The following PGAP2 variants were observed in gnomAD, a reference collection of about 807,000 sequenced individuals.
The protein encoded by PGAP2 is acyltransferase PGAP2.
Under a neutral mutation model 33.2 loss-of-function variants are expected in PGAP2, and 21 were observed. That is an observed-to-expected ratio of 0.63 (90% CI 0.45 to 0.91). The LOEUF (loss-of-function observed/expected upper bound fraction) is 0.91. Among genes scored for constraint, PGAP2 ranks in the 40% least tolerant of loss-of-function variants. PGAP2 has a pLI of 0.00. For missense variants in PGAP2, 345 were observed against 424.0 expected (o/e 0.81, Z 1.64); for synonymous variants, 161 against 172.9 (o/e 0.93, Z 0.54).
chr11:3,825,244 C>T lies in PGAP2; in HGVS notation c.818-84C>T. On this transcript the variant is annotated intron_variant, in intron 6 of 6. Transcript: ENST00000278243. ...CTGCCATTGTGTTCTCTGTGGCAGA[C>T]CAATGGTGGTGTGATTTATCAAGAG... 12 of 1,556,380 alleles carry T rather than the reference C, an allele frequency of 7.7e-6. No homozygotes were observed. The South Asian group carries it at 1.4e-4, about 18-fold the overall frequency.
upstream of PGAP2, chr11:3,797,756 A>G (rs1019093202): frequency 3.4e-6 from 5 of 1,466,264 alleles, no homozygotes; most frequent in Non-Finnish European, 3.7e-6. Context: ...AGGAGCGGTG[A>G]GAGGGCCGTG....
intron 2 of PGAP2, among the ~76,000 whole-genome samples, chr11:3,814,536 C>T (rs2086318305): frequency 1.3e-5 from 2 of 151,986 alleles, no homozygotes; most frequent in South Asian, 2.1e-4. Flanking sequence ...GGATTAAAGG[C>T]GTGAGCCACC....
upstream of PGAP2, among the ~76,000 whole-genome samples, chr11:3,804,570 C>A (rs182445823): frequency 6.6e-6 from 1 of 152,302 alleles, no homozygotes; most frequent in Non-Finnish European, 1.5e-5. Context: ...TCACTGTGTC[C>A]CCTTTCTAGC....
At chr11:3,822,912 T>TGAAGCTTCAATAGGAGTTCCAGGCATTAA in intron 3 of PGAP2, 1 of 1,517,422 alleles carries the variant, frequency 6.6e-7, no homozygotes, top group Non-Finnish European at 8.9e-7. Flanking sequence ...CCTTAAGGAC[T>TGAAGCTTCAATAGGAGTTCCAGGCATTAA]GAAGCTTCAA....
chr11:3,801,660 A>AAAAG (rs56914915), intron 1 of PGAP2, among the ~76,000 whole-genome samples: 2 of 137,752 alleles, frequency 1.5e-5, no homozygotes, highest in Non-Finnish European at 1.6e-5. Context: ...AAAAAAAAAA[A>AAAAG]GTTTCCGGGC....
chr11:3,811,264 A>C lies in PGAP2; in HGVS notation c.5A>C (p.Tyr2Ser), dbSNP rs1163385753. The stretch of plus-strand genomic sequence containing the variant: ...TCCATCCCCAGGTCTGACAAGATGT[A>C]CCAGGTCCCACTACCACTGGATCGG... M[Y>S]QVPLPLDRDG... Residue 2 changes from tyrosine to serine, a missense_variant, in exon 2 of 7, where the codon TAC (tyrosine) becomes TCC (serine). Physicochemically the swap from Tyr to Ser is moderately radical, Grantham distance 144. Coordinates refer to ENST00000278243, the MANE Select transcript of PGAP2 (RefSeq NM_014489.4). The surrounding 1 kb of genome is among the most constrained non-coding windows in gnomAD (Gnocchi z 4.6). 3 of 1,612,996 alleles carry C rather than the reference A, an allele frequency of 1.9e-6. No homozygotes were observed. The South Asian group carries it at 3.3e-5, about 18-fold the overall frequency.
At chr11:3,823,816 G>A (rs914791559) in intron 3 of PGAP2, 67 bp from the exon 4 acceptor site, 36 of 1,597,340 alleles carry the variant, frequency 2.3e-5, no homozygotes, top group Non-Finnish European at 3.1e-5. Context: ...TTGTCAGATG[G>A]AGAGAAGGTT....
At chr11:3,803,989 T>C (rs1366193097), upstream of PGAP2, among the ~76,000 whole-genome samples, 4 of 150,418 alleles carry the variant, frequency 2.7e-5, no homozygotes, top group African/African-American at 9.8e-5. Context: ...GAAGATTTTA[T>C]CATGTTGGCC....
Position 3,799,896 on chromosome 11 carries a change from G to A in PGAP2, c.139+1914G>A, listed in dbSNP as rs149745364. ...GTAGGAGGATCGTTTGAGCCCAAGA[G>A]GTTAAAGCTACAGTGAGCTGTGATT... On this transcript the variant is annotated intron_variant, in intron 1 of 6. Transcript: ENST00000300730. Among the ~76,000 whole-genome samples the A allele has an allele frequency of 2.4e-3, 371 of 152,226 alleles. 2 individuals carry two copies. Among genetic ancestry groups the A allele is most frequent in the African/African-American group, 7.3e-3 (305 of 41,520 alleles).
intron 3 of PGAP2, among the ~76,000 whole-genome samples, chr11:3,820,450 C>T (rs1035159462): frequency 1.1e-4 from 17 of 152,150 alleles, no homozygotes; most frequent in Admixed American, 5.2e-4. Flanking sequence ...AGGTGAATCA[C>T]TTAAGGTCAG....
Position 3,824,345 on chromosome 11 carries a change from G to A in PGAP2, c.677G>A (p.Arg226Gln), listed in dbSNP as rs768605321. 1.9e-6 allele frequency: 3 copies of A among 1,614,076 alleles called. No individual in the cohort carries two copies. The highest frequency in any genetic ancestry group is 2.2e-5 in the East Asian group (1 of 44,900). Residue 226 changes from arginine (R) to glutamine (Q), a missense_variant, in exon 5 of 7, where the codon CGG becomes CAG. Transcript: ENST00000278243. Reference sequence around the variant, plus strand: ...ATGCTCCTCACCTGCATTCTCTGGCGGTTGACCAAGAAGCACACAGTAAGT... The same window carrying A: ...ATGCTCCTCACCTGCATTCTCTGGCAGTTGACCAAGAAGCACACAGTAAGT... ...GHMLLTCILWRLTKKHTVSQE... is the reference protein window; with the variant it reads ...GHMLLTCILWQLTKKHTVSQE...
At chr11:3,816,407 G>T (rs1360264855) in intron 2 of PGAP2, among the ~76,000 whole-genome samples, 2 of 152,126 alleles carry the variant, frequency 1.3e-5, no homozygotes. Context: ...CAGCTTGAGG[G>T]GTCAAGGTGT....
Position 3,798,086 on chromosome 11 carries a change from G to A in PGAP2, c.139+104G>A, listed in dbSNP as rs1451989147. On this transcript the variant is annotated intron_variant, in intron 1 of 6. Transcript: ENST00000300730. ...CGCCCAGACCACGTGCGGAGCCTGA[G>A]GGCCCTCTTGGAAGGTCTGTCTGTC... 1.0e-5 allele frequency: 15 copies of A among 1,496,812 alleles called. No individual in the cohort carries two copies. In the Admixed American group the frequency reaches 3.7e-4, roughly 37 times the overall value. The allele number at this position is 1,496,812 out of a possible 1,614,324, so 92.7% of individuals were successfully genotyped here.
intron 5 of PGAP2, chr11:3,824,790 C>G: frequency 7.0e-7 from 1 of 1,432,514 alleles, no homozygotes; most frequent in Non-Finnish European, 9.1e-7. Context: ...CTCCATCCCC[C>G]TGAAGTGGAA....
At chr11:3,812,532 G>T (rs570822469) in intron 2 of PGAP2, among the ~76,000 whole-genome samples, 2 of 152,176 alleles carry the variant, frequency 1.3e-5, no homozygotes, top group Non-Finnish European at 2.9e-5. Flanking sequence ...GGAGGATGAT[G>T]AAATGTGAGG....
intron 3 of PGAP2, among the ~76,000 whole-genome samples, chr11:3,818,800 AGTGGTCT>A (rs1436503122): frequency 4.6e-5 from 7 of 152,304 alleles, no homozygotes; most frequent in Admixed American, 4.6e-4. Context: ...GTCACAACAC[AGTGGTCT>A]GGGGTTCCTA....
intron 1 of PGAP2, among the ~76,000 whole-genome samples, chr11:3,801,234 C>T (rs1345637656): frequency 1.3e-5 from 2 of 152,028 alleles, no homozygotes; most frequent in Admixed American, 6.6e-5. Context: ...GGATAACAAC[C>T]ACATTTGCCT....
intron 2 of PGAP2, among the ~76,000 whole-genome samples, chr11:3,813,402 G>T (rs560089753): frequency 8.6e-5 from 13 of 151,828 alleles, no homozygotes; most frequent in African/African-American, 3.1e-4. Flanking sequence ...AAAAATTGTG[G>T]AGATGGGGTC....
At chr11:3,798,510 A>G (rs1172179550) in intron 1 of PGAP2, among the ~76,000 whole-genome samples, 1 of 151,632 alleles carries the variant, frequency 6.6e-6, no homozygotes, top group Non-Finnish European at 1.5e-5. Flanking sequence ...TTGTATTTAT[A>G]GTAGAGACGG....
Sources: gnomAD v4.1 joint callset for allele counts (sites outside exome capture counted in the v4.1 genomes callset) on GRCh38, gnomAD v4.1.1 for gene constraint, Gnocchi (gnomAD v3.1) non-coding constraint, MANE v1.5 for transcripts, NCBI Gene and HGNC (gene_info 2026-07-23, HGNC 2026-07-21) for gene names.